The following PACS1 variants were observed in gnomAD, a reference collection of about 807,000 sequenced individuals.
PACS1 encodes phosphofurin acidic cluster sorting protein 1, also known as PACS-1.
PACS1 carries 24 observed loss-of-function variants against 115.0 expected under a neutral mutation model. That is an observed-to-expected ratio of 0.21 (90% CI 0.15 to 0.29). PACS1 has a LOEUF of 0.29. Among genes scored for constraint, PACS1 ranks in the 10% least tolerant of loss-of-function variants. PACS1 has a pLI of 1.00. For synonymous variants in PACS1, 453 were observed against 504.5 expected (o/e 0.90, Z 1.37); for missense variants, 838 against 1,251.2 (o/e 0.67, Z 4.98).
At chr11:66,229,051 G>A (rs1160508036) in intron 11 of PACS1, among the ~76,000 whole-genome samples, 1 of 151,478 alleles carries the variant, frequency 6.6e-6, no homozygotes, top group Non-Finnish European at 1.5e-5. Flanking sequence ...GCCCAGGCTG[G>A]GTCATGGTGG....
At chr11:66,232,014 GT>G (rs1855606671) in intron 13 of PACS1, 157 bp from the exon 14 acceptor site, 1 of 590,752 alleles carries the variant, frequency 1.7e-6, no homozygotes, top group East Asian at 2.9e-5. Flanking sequence ...TTCCATCGTG[GT>G]CTGGCCAGTG....
At chr11:66,091,582 A>C (rs1417090744) in intron 1 of PACS1, among the ~76,000 whole-genome samples, 1 of 150,462 alleles carries the variant, frequency 6.6e-6, no homozygotes, top group Non-Finnish European at 1.5e-5. Context: ...CAGGTTAGTT[A>C]CATATGTATA....
intron 1 of PACS1, among the ~76,000 whole-genome samples, chr11:66,156,184 A>C (rs1859349060): frequency 7.5e-6 from 1 of 132,716 alleles, no homozygotes; most frequent in Non-Finnish European, 1.6e-5. Flanking sequence ...ATCCTCCACA[A>C]AGTTGTTTCA....
At chr11:66,156,794 C>T (rs1245666913) in intron 1 of PACS1, among the ~76,000 whole-genome samples, 1 of 150,840 alleles carries the variant, frequency 6.6e-6, no homozygotes, top group Non-Finnish European at 1.5e-5. Context: ...GCGGAGCTTG[C>T]GCGAGCCGAG....
chr11:66,180,124 G>A (rs569276723), intron 1 of PACS1, among the ~76,000 whole-genome samples: 48 of 152,264 alleles, frequency 3.2e-4, no homozygotes, highest in African/African-American at 1.1e-3. Flanking sequence ...TTACAGGCAT[G>A]AGCCACTGTG....
intron 4 of PACS1, among the ~76,000 whole-genome samples, chr11:66,214,646 G>A (rs1349313392): frequency 9.3e-6 from 1 of 107,450 alleles, no homozygotes; most frequent in African/African-American, 3.6e-5. Flanking sequence ...TCCTGAGATA[G>A]AGTCTCACTC....
intron 1 of PACS1, among the ~76,000 whole-genome samples, chr11:66,191,323 A>G (rs756592197): frequency 2.8e-4 from 43 of 152,080 alleles, no homozygotes; most frequent in Admixed American, 1.2e-3. Flanking sequence ...TAATCTCCCC[A>G]TCTCAGGAGC....
chr11:66,173,268 A>AT (rs1046529373), intron 1 of PACS1, among the ~76,000 whole-genome samples: 15 of 151,940 alleles, frequency 9.9e-5, no homozygotes, highest in Non-Finnish European at 1.9e-4. Context: ...CCATTCCTAA[A>AT]ATATATTTTA....
At chr11:66,113,322 C>G (rs746251607) in intron 1 of PACS1, among the ~76,000 whole-genome samples, 1 of 152,266 alleles carries the variant, frequency 6.6e-6, no homozygotes, top group Non-Finnish European at 1.5e-5. Flanking sequence ...CTGACTCATC[C>G]CAGACGTACT....
At chr11:66,226,882 A>C (rs977636199) in intron 10 of PACS1, among the ~76,000 whole-genome samples, 2 of 152,148 alleles carry the variant, frequency 1.3e-5, no homozygotes, top group Non-Finnish European at 2.9e-5. Context: ...CAAATACGAA[A>C]ATCTGGTTAT....
At chr11:66,219,305 C>T (rs1291256203) in intron 7 of PACS1, among the ~76,000 whole-genome samples, 1 of 151,744 alleles carries the variant, frequency 6.6e-6, no homozygotes, top group East Asian at 1.9e-4. Flanking sequence ...GATGTTGGTT[C>T]AGGTGTGTTG....
intron 1 of PACS1, among the ~76,000 whole-genome samples, chr11:66,157,247 A>G (rs1859383364): frequency 6.6e-6 from 1 of 152,238 alleles, no homozygotes; most frequent in African/African-American, 2.4e-5. Flanking sequence ...TTACAAATCT[A>G]TAAGGATGAA....
chr11:66,219,627 C>G, intron 7 of PACS1, 119 bp from the exon 8 acceptor site: 1 of 815,014 alleles, frequency 1.2e-6, no homozygotes, highest in South Asian at 1.4e-5. Context: ...AGACCAAGTC[C>G]TCCAGTCTTC....
At chr11:66,158,153 G>C (rs1209249046) in intron 1 of PACS1, among the ~76,000 whole-genome samples, 3 of 152,140 alleles carry the variant, frequency 2.0e-5, no homozygotes, top group African/African-American at 7.2e-5. Context: ...ATTTTTTGTA[G>C]AGACAAGGTT....
intron 1 of PACS1, among the ~76,000 whole-genome samples, chr11:66,146,350 A>G (rs751890131): frequency 1.4e-4 from 22 of 152,228 alleles, no homozygotes; most frequent in Non-Finnish European, 2.6e-4. Context: ...ATAAATCTCA[A>G]TAAAACAGAA....
At chr11:66,108,175 C>T (rs1590749398) in intron 1 of PACS1, among the ~76,000 whole-genome samples, 1 of 152,122 alleles carries the variant, frequency 6.6e-6, no homozygotes, top group Admixed American at 6.5e-5. Context: ...ACTGGAAGTC[C>T]AAGATTAAGG....
intron 1 of PACS1, among the ~76,000 whole-genome samples, chr11:66,175,321 G>T (rs570846733): frequency 1.3e-5 from 2 of 152,212 alleles, no homozygotes; most frequent in South Asian, 4.1e-4. Flanking sequence ...GTATTCTACA[G>T]ATTCACAGTA....
At position 66,070,892 on chromosome 11, in the gene PACS1, G is replaced by A; in HGVS notation, c.356+50G>A. 7.2e-7 allele frequency: 1 copy of A among 1,389,816 alleles called. No homozygotes were observed. Among genetic ancestry groups the A allele is most frequent in the Non-Finnish European group, 9.3e-7 (1 of 1,081,034 alleles). 86.1% of individuals were successfully genotyped at this position (1,389,816 alleles called of 1,614,324 possible). A position where few individuals can be genotyped will look rare whatever the true frequency, so the allele number is the denominator to read the frequency against. On this transcript the variant is annotated intron_variant, in intron 1 of 23. Coordinates refer to ENST00000320580, the MANE Select transcript of PACS1 (RefSeq NM_018026.4). This position sits in a 1 kb window ranked among gnomAD's most constrained non-coding sequence, Gnocchi z 5.9. ...GCGCCGGGGGAGCGGGGTGGCCGCCGGGGCCCAGCCCTCCCCGCCCCAGCG... is the reference window on the plus strand; with the variant it reads ...GCGCCGGGGGAGCGGGGTGGCCGCCAGGGCCCAGCCCTCCCCGCCCCAGCG...
intron 1 of PACS1, among the ~76,000 whole-genome samples, chr11:66,107,641 T>C (rs1315267891): frequency 6.6e-6 from 1 of 152,236 alleles, no homozygotes; most frequent in Admixed American, 6.5e-5. Flanking sequence ...CTTTTACTTA[T>C]ATGATTGTTA....
Sources: gnomAD v4.1 joint callset for allele counts (sites outside exome capture counted in the v4.1 genomes callset) on GRCh38, gnomAD v4.1.1 for gene constraint, Gnocchi (gnomAD v3.1) non-coding constraint, MANE v1.5 for transcripts, NCBI Gene and HGNC (gene_info 2026-07-23, HGNC 2026-07-21) for gene names.